The following KLHL1 variants were observed in gnomAD, a reference collection of about 807,000 sequenced individuals.
The protein encoded by KLHL1 is kelch like family member 1.
KLHL1 carries 47 observed loss-of-function variants against 77.7 expected under a neutral mutation model. The observed-to-expected ratio is 0.60, with a 90% CI of 0.48 to 0.77. The LOEUF is 0.77. Among genes scored for constraint, KLHL1 ranks in the 30% least tolerant of loss-of-function variants. The pLI is 0.00. For missense variants in KLHL1, 925 were observed against 910.8 expected (o/e 1.02, Z -0.20); for synonymous variants, 360 against 325.2 (o/e 1.11, Z -1.15).
intron 1 of KLHL1, among the ~76,000 whole-genome samples, chr13:70,060,916 C>G (rs1170179919): frequency 1.3e-5 from 2 of 152,062 alleles, no homozygotes; most frequent in African/African-American, 4.8e-5. Flanking sequence ...GAACAAGATC[C>G]TGTCATTTGT....
At chr13:69,986,259 G>A (rs557542540) in intron 1 of KLHL1, among the ~76,000 whole-genome samples, 30 of 151,948 alleles carry the variant, frequency 2.0e-4, no homozygotes, top group South Asian at 1.7e-3. Flanking sequence ...CTGTTGTTCC[G>A]TTGCACAGTA....
intron 1 of KLHL1, among the ~76,000 whole-genome samples, chr13:70,022,616 G>C (rs1885834020): frequency 6.6e-6 from 1 of 151,754 alleles, no homozygotes; most frequent in Admixed American, 6.6e-5. Flanking sequence ...CTATTTACAT[G>C]ATTTTATAGG....
chr13:70,103,276 A>T (rs1206243630), intron 1 of KLHL1, among the ~76,000 whole-genome samples: 2 of 152,170 alleles, frequency 1.3e-5, no homozygotes, highest in Non-Finnish European at 2.9e-5. Context: ...TGGAAAACAG[A>T]GGGTAAGGGG....
At chr13:70,028,614 TG>T (rs1886014199) in intron 1 of KLHL1, among the ~76,000 whole-genome samples, 1 of 152,154 alleles carries the variant, frequency 6.6e-6, no homozygotes, top group African/African-American at 2.4e-5. Flanking sequence ...AATGCAATGT[TG>T]TCTCAGAGAA....
In KLHL1 at chr13:69,708,444, G is replaced by A. The variant is rs182646485; in HGVS notation, c.2016-648C>T. Among the ~76,000 whole-genome samples the A allele has an allele frequency of 5.6e-3, 846 of 151,848 alleles. 6 individuals carry two copies. Among genetic ancestry groups the A allele is most frequent in the African/African-American group, 0.019 (809 of 41,492 alleles). On this transcript the variant is annotated intron_variant, in intron 9 of 10. Transcript: ENST00000377844. ...TATGGGATGTTTGATTCCCTGGGTA[G>A]GAAGGTACTTTCAGTTTATTCAATA...
At position 69,970,031 on chromosome 13, in the gene KLHL1, T is replaced by A. The variant is rs149934656; in HGVS notation, c.680+5589A>T. Among the ~76,000 whole-genome samples, 316 of 152,318 alleles carry A rather than the reference T, an allele frequency of 2.1e-3. 1 individual carries two copies. The highest frequency in any genetic ancestry group is 3.7e-3 in the Non-Finnish European group (249 of 68,016). ...ATTTTTTAGCGAAAGCTGTGCAGAC[T>A]TCTTATCCCAGCTTACCTCTGATTC... On this transcript the variant is annotated intron_variant, in intron 2 of 10. Coordinates refer to ENST00000377844, the MANE Select transcript of KLHL1 (RefSeq NM_020866.3).
chr13:69,750,114 A>G (rs531553770), intron 7 of KLHL1, among the ~76,000 whole-genome samples: 1 of 151,724 alleles, frequency 6.6e-6, no homozygotes, highest in Non-Finnish European at 1.5e-5. Flanking sequence ...TCATTGTATT[A>G]AATTACTAAA....
At chr13:70,099,723 G>A (rs771258561) in intron 1 of KLHL1, among the ~76,000 whole-genome samples, 9 of 151,956 alleles carry the variant, frequency 5.9e-5, no homozygotes, top group East Asian at 1.9e-4. Context: ...TCATTTAATC[G>A]TAGTTTAATG....
chr13:69,766,444 TA>T (rs1875306073), intron 7 of KLHL1, among the ~76,000 whole-genome samples: 1 of 150,932 alleles, frequency 6.6e-6, no homozygotes, highest in South Asian at 2.1e-4. Flanking sequence ...TTCCAATTTT[TA>T]AGTTTATTTT....
intron 5 of KLHL1, among the ~76,000 whole-genome samples, chr13:69,874,885 C>T (rs1880710012): frequency 6.6e-6 from 1 of 151,858 alleles, no homozygotes; most frequent in Non-Finnish European, 1.5e-5. Context: ...AAGGTTTTAT[C>T]CTAAGAGCAT....
Position 69,707,641 on chromosome 13 carries a change from G to A in KLHL1, c.2171C>T (p.Thr724Ile). 1.2e-6 allele frequency: 2 copies of A among 1,611,670 alleles called. No individual in the cohort carries two copies. Among genetic ancestry groups the A allele is most frequent in the Non-Finnish European group, 1.7e-6 (2 of 1,178,526 alleles). ...LNTMESYDPQ[T>I]NEWTQMASLN... The stretch of plus-strand genomic sequence containing the variant: ...CAATCTTACCTGTGTCCACTCATTA[G>A]TTTGTGGGTCATAGGATTCCATAGT... Residue 724 changes from threonine (T) to isoleucine (I), a missense_variant, in exon 10 of 11, where the codon ACT becomes ATT. Coordinates refer to ENST00000377844, the MANE Select transcript of KLHL1 (RefSeq NM_020866.3).
intron 1 of KLHL1, among the ~76,000 whole-genome samples, chr13:70,001,753 A>G (rs1885298768): frequency 6.6e-6 from 1 of 151,562 alleles, no homozygotes; most frequent in Admixed American, 6.6e-5. Context: ...TTTAATATCC[A>G]TATAATAAAA....
chr13:69,824,918 T>C (rs1878484667), intron 6 of KLHL1, among the ~76,000 whole-genome samples: 1 of 151,944 alleles, frequency 6.6e-6, no homozygotes, highest in African/African-American at 2.4e-5. Context: ...CTAAAATATC[T>C]AAAAAAAATT....
At chr13:69,775,583 G>A (rs1875786462) in intron 7 of KLHL1, among the ~76,000 whole-genome samples, 1 of 152,122 alleles carries the variant, frequency 6.6e-6, no homozygotes, top group South Asian at 2.1e-4. Context: ...ATATGGAGAA[G>A]GGTCATTTGA....
At chr13:70,020,965 C>T (rs1278278316) in intron 1 of KLHL1, among the ~76,000 whole-genome samples, 1 of 151,984 alleles carries the variant, frequency 6.6e-6, no homozygotes, top group Non-Finnish European at 1.5e-5. Context: ...TATAGCCTCC[C>T]CTATTATCAA....
intron 5 of KLHL1, among the ~76,000 whole-genome samples, chr13:69,855,363 C>CAGAG (rs1566329854): frequency 7.9e-5 from 11 of 139,870 alleles, no homozygotes; most frequent in African/African-American, 3.3e-4. Flanking sequence ...CAGATAGATA[C>CAGAG]ATAGAGAGAT....
At chr13:70,018,438 A>C (rs1885712649) in intron 1 of KLHL1, among the ~76,000 whole-genome samples, 1 of 152,184 alleles carries the variant, frequency 6.6e-6, no homozygotes, top group South Asian at 2.1e-4. Flanking sequence ...GTACACACCA[A>C]AAGTAATAAG....
intron 6 of KLHL1, among the ~76,000 whole-genome samples, chr13:69,820,637 T>A (rs1878296185): frequency 6.6e-6 from 1 of 152,232 alleles, no homozygotes; most frequent in Non-Finnish European, 1.5e-5. Context: ...AGTTGAGAAT[T>A]GCCTCTGGAG....
intron 1 of KLHL1, among the ~76,000 whole-genome samples, chr13:70,076,641 G>C (rs920719023): frequency 2.0e-5 from 3 of 151,774 alleles, no homozygotes; most frequent in Admixed American, 6.6e-5. Flanking sequence ...ACAAAATTTT[G>C]TAAGTTGGAC....
Sources: gnomAD v4.1 joint callset for allele counts (sites outside exome capture counted in the v4.1 genomes callset) on GRCh38, gnomAD v4.1.1 for gene constraint, MANE v1.5 for transcripts, NCBI Gene and HGNC (gene_info 2026-07-23, HGNC 2026-07-21) for gene names.